PODN: variants seen among roughly 807,000 people sequenced by gnomAD.
PODN encodes the protein podocan, also known as podocan proteoglycan.
A neutral mutation model predicts 52.7 loss-of-function variants in PODN; 40 were observed. The ratio of observed to expected loss-of-function variants is 0.76; its 90% confidence interval spans 0.59 to 0.99. The LOEUF is 0.99. Ranked by LOEUF, PODN falls within the 50% of genes least tolerant of loss-of-function variation. PODN has a pLI of 0.00. For missense variants in PODN, 720 were observed against 815.1 expected (o/e 0.88, Z 1.42); for synonymous variants, 396 against 377.9 (o/e 1.05, Z -0.56).
intron 3 of PODN, among the ~76,000 whole-genome samples, chr1:53,072,674 C>T (rs564170893): frequency 2.0e-4 from 30 of 152,238 alleles, no homozygotes; most frequent in African/African-American, 7.2e-4. Context: ...TTTCCCTAGA[C>T]GTCCCTGTCT....
At chr1:53,062,420 C>A in intron 1 of PODN, 112 bp downstream of exon 1, 1 of 787,330 alleles carries the variant, frequency 1.3e-6, no homozygotes, top group Non-Finnish European at 1.7e-6. Context: ...TGGGGCGGGC[C>A]CGCCGCATCT....
chr1:53,067,990 G>A lies in PODN; in HGVS notation c.-55-1811G>A, dbSNP rs116280418. ...GGGAAGGAAAAGGAGCAGCAGCAGA[G>A]GATTCTGGAGTGAGCAGTGGTGTGG... On this transcript the variant is annotated intron_variant, in intron 1 of 10. Transcript: ENST00000312553. Among the ~76,000 whole-genome samples, 1,468 of 151,890 alleles carry A rather than the reference G, an allele frequency of 9.7e-3. 33 individuals carry two copies. Among genetic ancestry groups the A allele is most frequent in the African/African-American group, 0.034 (1,402 of 41,274 alleles).
chr1:53,062,226 GGAGCCC>G lies in PODN; in HGVS notation c.-130_-125del. On this transcript the variant is annotated 5_prime_UTR_variant, in exon 1 of 11. Transcript: ENST00000312553. ...AGCGCCCAGCTTGACTTGAATGGAAGGAGCCCGAGCCCGCGGAGCGCAGCTGAGACT... is the reference window on the plus strand; with the variant it reads ...AGCGCCCAGCTTGACTTGAATGGAAGGAGCCCGCGGAGCGCAGCTGAGACT... 7.9e-7 allele frequency: 1 copy of G among 1,273,678 alleles called. No individual in the cohort carries two copies. The highest frequency in any genetic ancestry group is 1.0e-6 in the Non-Finnish European group (1 of 1,003,082). The allele number at this position is 1,273,678 out of a possible 1,614,324, so 78.9% of individuals were successfully genotyped here. A position where few individuals can be genotyped will look rare whatever the true frequency, so the allele number is the denominator to read the frequency against.
At chr1:53,082,832 T>G (rs561939777) in intron 10 of PODN, among the ~76,000 whole-genome samples, 1 of 152,176 alleles carries the variant, frequency 6.6e-6, no homozygotes, top group East Asian at 1.9e-4. Context: ...CATGACACAT[T>G]TGCATGCCTA....
At position 53,069,952 on chromosome 1, in the gene PODN, A is replaced by C. The variant is rs202178359; in HGVS notation, c.97A>C (p.Ser33Arg). The C allele has an allele frequency of 4.0e-5, 64 of 1,597,536 alleles. No individual in the cohort carries two copies. The Admixed American group carries it at 8.3e-4, about 21-fold the overall frequency. ...CGTGAGGGCCCCAGGATTTGGCCGA[A>C]GTGGCGGCCACAGCCTGAGCCCCGA... The part of the protein sequence containing the change: ...LAVRAPGFGR[S>R]GGHSLSPEEN... The change falls in exon 2 of 11, where the codon AGT becomes CGT. Residue 33 changes from serine to arginine, a missense_variant. Transcript: ENST00000312553.
At chr1:53,072,554 G>C (rs1479882706) in intron 3 of PODN, among the ~76,000 whole-genome samples, 1 of 152,060 alleles carries the variant, frequency 6.6e-6, no homozygotes, top group East Asian at 1.9e-4. Flanking sequence ...CAGCAACTGG[G>C]AGTACGTCAG....
chr1:53,069,058 CAG>C (rs1644072928), intron 1 of PODN, among the ~76,000 whole-genome samples: 1 of 152,146 alleles, frequency 6.6e-6, no homozygotes, highest in Admixed American at 6.5e-5. Flanking sequence ...TACCCAGACA[CAG>C]AGAGTTGCTC....
chr1:53,081,779 C>T (rs1036153823), intron 9 of PODN, among the ~76,000 whole-genome samples: 11 of 152,196 alleles, frequency 7.2e-5, no homozygotes, highest in Admixed American at 5.9e-4. Flanking sequence ...AGAGCCAGCC[C>T]CACCACAAGC....
chr1:53,077,990 C>T (rs930977285), intron 7 of PODN, among the ~76,000 whole-genome samples, 190 bp downstream of exon 7: 7 of 152,162 alleles, frequency 4.6e-5, no homozygotes, highest in Admixed American at 1.3e-4. Context: ...AGAAGTAAGG[C>T]CTTCCAAGAT....
chr1:53,081,172 A>G (rs1644290044), intron 9 of PODN, among the ~76,000 whole-genome samples: 4 of 152,260 alleles, frequency 2.6e-5, no homozygotes, highest in Admixed American at 2.6e-4. Context: ...CTGAGAGCAC[A>G]GGTGACTGCT....
chr1:53,080,766 C>G lies in PODN; in HGVS notation c.1551C>G (p.Pro517=), dbSNP rs756242124. 30 of 1,614,122 alleles carry G rather than the reference C, an allele frequency of 1.9e-5. No individual in the cohort carries two copies. In the East Asian group the frequency reaches 6.5e-4, roughly 35 times the overall value. ...CCGGGAATCAGCTCACAGAGATCCC[C>G]GAGGGGCTCCCCGAGTCACTTGAGT... ...DIAGNQLTEI[P]EGLPESLEYL... The change falls in exon 9 of 11, where the codon CCC becomes CCG. Residue 517 remains proline (P), a synonymous_variant. Transcript: ENST00000312553.
intron 1 of PODN, chr1:53,063,447 C>T: frequency 1.8e-5 from 18 of 985,572 alleles, no homozygotes; most frequent in Non-Finnish European, 2.2e-5. Context: ...GTGGTCCCGT[C>T]CCCTATCCCT....
At position 53,069,993 on chromosome 1, in the gene PODN, G is replaced by T; in HGVS notation, c.138G>T (p.Ala46=). The change falls in exon 2 of 11, where the codon GCG becomes GCT. Residue 46 remains alanine, a synonymous_variant. Transcript: ENST00000312553. Reference sequence around the variant, plus strand: ...TGAGCCCCGAAGAGAACGAATTTGCGGAGGAGGAGCCGGTGCTGGTACTGA... The same window carrying T: ...TGAGCCCCGAAGAGAACGAATTTGCTGAGGAGGAGCCGGTGCTGGTACTGA... ...HSLSPEENEF[A]EEEPVLVLSP... The T allele has an allele frequency of 6.8e-6, 11 of 1,612,028 alleles. No homozygotes were observed. Among genetic ancestry groups the T allele is most frequent in the East Asian group, 4.5e-5 (2 of 44,844 alleles).
intron 10 of PODN, among the ~76,000 whole-genome samples, chr1:53,083,983 C>T (rs1042328631): frequency 9.2e-5 from 14 of 152,020 alleles, no homozygotes; most frequent in Non-Finnish European, 2.1e-4. Context: ...CTGTTGAGGG[C>T]CACTTGGGTG....
At position 53,074,562 on chromosome 1, in the gene PODN, C is replaced by T. The variant is rs753154597; in HGVS notation, c.407-44C>T. Reference sequence around the variant, plus strand: ...GGGCGCTTGCTGTGCTTCCCTGTGGCGTCTCCTCCATCCAGGGCTCTGACC... The same window carrying T: ...GGGCGCTTGCTGTGCTTCCCTGTGGTGTCTCCTCCATCCAGGGCTCTGACC... On this transcript the variant is annotated intron_variant, in intron 3 of 10. Coordinates refer to ENST00000312553, the MANE Select transcript of PODN (RefSeq NM_153703.5). 105 of 1,609,070 alleles carry T rather than the reference C, an allele frequency of 6.5e-5. 1 individual carries two copies. Among genetic ancestry groups the T allele is most frequent in the South Asian group, 5.4e-4 (49 of 90,976 alleles).
At chr1:53,062,684 C>T (rs1643975177) in intron 1 of PODN, among the ~76,000 whole-genome samples, 2 of 152,144 alleles carry the variant, frequency 1.3e-5, no homozygotes, top group Non-Finnish European at 2.9e-5. Context: ...GGGGCGGGGA[C>T]CCCTGTCATG....
At chr1:53,069,187 C>T (rs1418843393) in intron 1 of PODN, among the ~76,000 whole-genome samples, 2 of 152,220 alleles carry the variant, frequency 1.3e-5, no homozygotes, top group Non-Finnish European at 2.9e-5. Flanking sequence ...CCCGCTGCTC[C>T]CCCTCTTCCC....
chr1:53,071,405 G>A (rs1465468450), intron 2 of PODN, 130 bp from the exon 3 acceptor site: 1 of 770,136 alleles, frequency 1.3e-6, no homozygotes. Context: ...TGCTGCCATG[G>A]GGGAGAATTC....
rs762570759 is a variant in PODN, at chr1:53,062,306, C to G, written c.-58C>G. Reference sequence around the variant, plus strand: ...GGCGCCGCTCGGCGCCGGGGCGCAGCAGGTACAGGGCGCTGGCAGCCGGGG... The same window carrying G: ...GGCGCCGCTCGGCGCCGGGGCGCAGGAGGTACAGGGCGCTGGCAGCCGGGG... On this transcript the variant is annotated splice_region_variant and 5_prime_UTR_variant, in exon 1 of 11. Transcript: ENST00000312553. 1.6e-4 allele frequency: 197 copies of G among 1,253,206 alleles called. No homozygotes were observed. Among genetic ancestry groups the G allele is most frequent in the Non-Finnish European group, 1.9e-4 (190 of 991,766 alleles). The allele number at this position is 1,253,206 out of a possible 1,614,324, so 77.6% of individuals were successfully genotyped here.
Sources: allele counts gnomAD v4.1 joint callset (sites outside exome capture counted in the v4.1 genomes callset), GRCh38; gene constraint gnomAD v4.1.1; transcripts MANE v1.5; gene names NCBI Gene and HGNC (gene_info 2026-07-23, HGNC 2026-07-21).